The following GAL3ST1 variants were observed in gnomAD, a reference collection of about 807,000 sequenced individuals.
The protein encoded by GAL3ST1 is galactosylceramide sulfotransferase.
In GAL3ST1, 13 loss-of-function variants were observed where a neutral mutation model predicts 25.0. The ratio of observed to expected loss-of-function variants is 0.52; its 90% CI spans 0.34 to 0.83. The LOEUF is 0.83. Among genes scored for constraint, GAL3ST1 ranks in the 40% least tolerant of loss-of-function variants. The probability of loss-of-function intolerance (pLI) is 0.02; values close to 1 mark genes in which losing one functional copy is unlikely to be tolerated. For missense variants in GAL3ST1, 474 were observed against 613.6 expected (o/e 0.77, Z 2.40); for synonymous variants, 274 against 277.8 (o/e 0.99, Z 0.14).
chr22:30,566,691 A>G (rs1177390212), intron 1 of GAL3ST1, among the ~76,000 whole-genome samples: 1 of 150,188 alleles, frequency 6.7e-6, no homozygotes, highest in Admixed American at 6.6e-5. Flanking sequence ...CTCACTGCAA[A>G]CTCCACCTCC....
intron 1 of GAL3ST1, among the ~76,000 whole-genome samples, chr22:30,559,943 A>G (rs1244740679): frequency 6.6e-6 from 1 of 152,246 alleles, no homozygotes; most frequent in Non-Finnish European, 1.5e-5. Flanking sequence ...CACATGTGCT[A>G]ATAACTACAT....
At position 30,557,534 on chromosome 22, in the gene GAL3ST1, A is replaced by G. The variant is rs4149490; in HGVS notation, c.-9-133T>C. The G allele has an allele frequency of 0.025, 22,524 of 907,240 alleles. 2,739 individuals carry two copies. The East Asian group carries it at 0.35, about 14-fold the overall frequency. The allele number at this position is 907,240 out of a possible 1,614,324, so 56.2% of individuals were successfully genotyped here. ...CCCCCAGCAGGGTCCAGACAGGGACAGAGAGGCACTGGAGAGATAGACTGA... is the reference window on the plus strand; with the variant it reads ...CCCCCAGCAGGGTCCAGACAGGGACGGAGAGGCACTGGAGAGATAGACTGA... On this transcript the variant is annotated intron_variant, in intron 2 of 3. Coordinates refer to ENST00000406361, the MANE Select transcript of GAL3ST1 (RefSeq NM_001318104.2).
intron 1 of GAL3ST1, among the ~76,000 whole-genome samples, chr22:30,567,048 T>C (rs569203705): frequency 3.6e-4 from 55 of 151,174 alleles, no homozygotes; most frequent in Admixed American, 8.6e-4. Flanking sequence ...CCTCTGCCCC[T>C]TGGGTTCAAG....
In GAL3ST1 at chr22:30,555,300, G is replaced by C; in HGVS notation, c.925C>G (p.Arg309Gly). Reference sequence around the variant, plus strand: ...CGCCAGAAGCTGGCGTTGAAGTGGCGGTAGAGGTGGGAGTCCAGCATGTTC... The same window carrying C: ...CGCCAGAAGCTGGCGTTGAAGTGGCCGTAGAGGTGGGAGTCCAGCATGTTC... Reference protein sequence around the residue: ...AWNMLDSHLYRHFNASFWRKV... With the variant: ...AWNMLDSHLYGHFNASFWRKV... Residue 309 changes from arginine to glycine, a missense_variant, in exon 4 of 4, where the codon CGC becomes GGC. Physicochemically the swap from Arg to Gly is moderately radical, Grantham distance 125 (BLOSUM62 -2). Around this residue, in one of 2 missense-constraint regions of GAL3ST1, gnomAD observed 359 missense variants for 504.4 expected, o/e 0.71. Transcript: ENST00000406361. The surrounding 1 kb of genome is among the most constrained non-coding windows in gnomAD (Gnocchi z 8.6). 6.2e-6 allele frequency: 10 copies of C among 1,600,974 alleles called. No homozygotes were observed. The highest frequency in any genetic ancestry group is 8.5e-6 in the Non-Finnish European group (10 of 1,174,524).
At chr22:30,556,573 G>A (rs1456200680) in intron 3 of GAL3ST1, among the ~76,000 whole-genome samples, 3 of 152,198 alleles carry the variant, frequency 2.0e-5, no homozygotes. Flanking sequence ...CTCAGGAGCT[G>A]GGCCTGGAGT....
At chr22:30,562,748 G>T (rs749091597) in intron 1 of GAL3ST1, among the ~76,000 whole-genome samples, 12 of 152,184 alleles carry the variant, frequency 7.9e-5, no homozygotes, top group Non-Finnish European at 1.5e-4. Context: ...CATGGTCCAG[G>T]CAGACAACAC....
At chr22:30,564,090 T>G (rs2086542867) in intron 1 of GAL3ST1, among the ~76,000 whole-genome samples, 1 of 152,190 alleles carries the variant, frequency 6.6e-6, no homozygotes, top group South Asian at 2.1e-4. Context: ...CCCAAGCATT[T>G]CGGATAAGGG....
chr22:30,558,852 T>C (rs1416237793), intron 1 of GAL3ST1, among the ~76,000 whole-genome samples: 11 of 152,170 alleles, frequency 7.2e-5, no homozygotes, highest in Non-Finnish European at 1.5e-4. Context: ...GCATGGGACA[T>C]AGTTATACTA....
At chr22:30,557,209 G>A (rs1246558547) in intron 3 of GAL3ST1, 53 bp downstream of exon 3, 1 of 1,597,494 alleles carries the variant, frequency 6.3e-7, no homozygotes, top group Non-Finnish European at 8.6e-7. Context: ...CCATGGGTGG[G>A]GTGCCATCCC....
chr22:30,566,467 C>T (rs1369505715), intron 1 of GAL3ST1, among the ~76,000 whole-genome samples: 1 of 152,162 alleles, frequency 6.6e-6, no homozygotes, highest in Non-Finnish European at 1.5e-5. Flanking sequence ...GAAGTGCAGG[C>T]TTTTGAACAA....
At position 30,556,106 on chromosome 22, in the gene GAL3ST1, G is replaced by A. The variant is rs2086009231; in HGVS notation, c.132-13C>T. Reference sequence around the variant, plus strand: ...GGCCTCCGGGGTCCTGCTGGGGACAGAGAGGTGGGGAGAGCCTCAGGGGGG... The same window carrying A: ...GGCCTCCGGGGTCCTGCTGGGGACAAAGAGGTGGGGAGAGCCTCAGGGGGG... On this transcript the variant is annotated splice_polypyrimidine_tract_variant and intron_variant, in intron 3 of 3. Transcript: ENST00000406361. 1 of 1,588,384 alleles carries A rather than the reference G, an allele frequency of 6.3e-7. No individual in the cohort carries two copies. Among genetic ancestry groups the A allele is most frequent in the African/African-American group, 1.3e-5 (1 of 74,684 alleles).
intron 3 of GAL3ST1, among the ~76,000 whole-genome samples, 190 bp from the exon 4 acceptor site, chr22:30,556,283 T>C (rs571391436): frequency 6.6e-6 from 1 of 152,260 alleles, no homozygotes; most frequent in African/African-American, 2.4e-5. Context: ...GTTCCTCTTC[T>C]GTGAAATGGG....
At chr22:30,570,904 C>A (rs1008082784) in intron 1 of GAL3ST1, among the ~76,000 whole-genome samples, 1 of 151,948 alleles carries the variant, frequency 6.6e-6, no homozygotes, top group Non-Finnish European at 1.5e-5. Flanking sequence ...TGGAAAGACA[C>A]CCAGTTATAA....
At position 30,568,052 on chromosome 22, in the gene GAL3ST1, T is replaced by C. The variant is rs1033289229; in HGVS notation, c.-120+6414A>G. Among the ~76,000 whole-genome samples the C allele has an allele frequency of 2.4e-4, 36 of 152,198 alleles. 4 individuals carry two copies. Among genetic ancestry groups the C allele is most frequent in the Admixed American group, 1.6e-3 (25 of 15,276 alleles). ...ACCTGCACTCCAGGACTAGAGTTCATGATAACCCGGTGCAGAGAACTCAGG... is the reference window on the plus strand; with the variant it reads ...ACCTGCACTCCAGGACTAGAGTTCACGATAACCCGGTGCAGAGAACTCAGG... On this transcript the variant is annotated intron_variant, in intron 1 of 3. Coordinates refer to ENST00000406361, the MANE Select transcript of GAL3ST1 (RefSeq NM_001318104.2).
chr22:30,556,867 T>G (rs1010786506), intron 3 of GAL3ST1, among the ~76,000 whole-genome samples: 23 of 152,334 alleles, frequency 1.5e-4, no homozygotes, highest in Middle Eastern at 3.4e-3. Context: ...CCCAAGTAGC[T>G]GAGATTACAG....
chr22:30,567,591 T>A (rs752898971), intron 1 of GAL3ST1, among the ~76,000 whole-genome samples: 1 of 150,890 alleles, frequency 6.6e-6, no homozygotes, highest in East Asian at 2.0e-4. Context: ...ACGTGCTTCT[T>A]TGGGGACATA....
At position 30,554,823 on chromosome 22, in the gene GAL3ST1, G is replaced by A. The variant is rs533394859; in HGVS notation, c.*130C>T. 2.7e-5 allele frequency: 18 copies of A among 669,910 alleles called. No homozygotes were observed. The highest frequency in any genetic ancestry group is 2.3e-4 in the Admixed American group (7 of 30,604). The allele number at this position is 669,910 out of a possible 1,614,324, so 41.5% of individuals were successfully genotyped here. A position where few individuals can be genotyped will look rare whatever the true frequency, so the allele number is the denominator to read the frequency against. The stretch of plus-strand genomic sequence containing the variant: ...AGTCTTGGCTGGCTGCCTCCCCCCA[G>A]GGAGCCCCCCCTCACCCCGGGGTCT... On this transcript the variant is annotated 3_prime_UTR_variant, in exon 4 of 4. Transcript: ENST00000406361.
At chr22:30,568,522 CACTG>C (rs2086690913) in intron 1 of GAL3ST1, among the ~76,000 whole-genome samples, 1 of 152,218 alleles carries the variant, frequency 6.6e-6, no homozygotes, top group Admixed American at 6.5e-5. Flanking sequence ...ACCCACCAGA[CACTG>C]ACTGGATTTC....
intron 1 of GAL3ST1, among the ~76,000 whole-genome samples, chr22:30,569,656 T>A (rs553249312): frequency 6.6e-6 from 1 of 151,802 alleles, no homozygotes; most frequent in Non-Finnish European, 1.5e-5. Flanking sequence ...GCCATAGGAA[T>A]AACTAGAGTC....
Sources: gnomAD v4.1 joint callset for allele counts (sites outside exome capture counted in the v4.1 genomes callset) on GRCh38, gnomAD v4.1.1 for gene constraint, gnomAD v4.1.1 regional missense constraint, Gnocchi (gnomAD v3.1) non-coding constraint, MANE v1.5 for transcripts, NCBI Gene and HGNC (gene_info 2026-07-23, HGNC 2026-07-21) for gene names.